PHKB: variants seen among roughly 807,000 people sequenced by gnomAD.
The protein encoded by PHKB is phosphorylase kinase regulatory subunit beta.
PHKB carries 122 observed loss-of-function variants against 152.1 expected under a neutral mutation model. The ratio of observed to expected loss-of-function variants is 0.80; its 90% confidence interval spans 0.69 to 0.93. The LOEUF (loss-of-function observed/expected upper bound fraction) is 0.93. PHKB is among the 40% of genes least tolerant of loss of function. PHKB has a pLI of 0.00. For missense variants in PHKB, 1,304 were observed against 1,328.4 expected (o/e 0.98, Z 0.29); for synonymous variants, 436 against 464.9 (o/e 0.94, Z 0.80).
intron 26 of PHKB, among the ~76,000 whole-genome samples, chr16:47,682,724 C>T (rs534364790): frequency 1.4e-4 from 21 of 152,266 alleles, no homozygotes; most frequent in Admixed American, 8.5e-4. Context: ...TCCTGTAGCT[C>T]GGAGTAGTTT....
chr16:47,547,790 G>T, intron 7 of PHKB: 1 of 469,836 alleles, frequency 2.1e-6, no homozygotes. Flanking sequence ...GTCAGTACAT[G>T]CATGTCAGCC....
chr16:47,503,772 T>C (rs1970364131), intron 4 of PHKB, among the ~76,000 whole-genome samples: 1 of 151,992 alleles, frequency 6.6e-6, no homozygotes, highest in Non-Finnish European at 1.5e-5. Context: ...GAGGTTGCAG[T>C]GAGCCAAGAT....
intron 14 of PHKB, among the ~76,000 whole-genome samples, chr16:47,616,744 G>A (rs1026817402): frequency 2.8e-4 from 43 of 151,146 alleles, no homozygotes; most frequent in Non-Finnish European, 2.8e-4. Flanking sequence ...GGTGCTAGAG[G>A]AATTAAAGAC....
chr16:47,587,347 G>T (rs1404675271), intron 8 of PHKB, among the ~76,000 whole-genome samples: 1 of 152,116 alleles, frequency 6.6e-6, no homozygotes, highest in Non-Finnish European at 1.5e-5. Flanking sequence ...TCTTTGTCAT[G>T]TTAGCTAAAC....
intron 1 of PHKB, among the ~76,000 whole-genome samples, chr16:47,482,227 G>A (rs1352725238): frequency 1.3e-5 from 2 of 152,230 alleles, no homozygotes; most frequent in Non-Finnish European, 2.9e-5. Context: ...TAAGTATAGT[G>A]TGGGAAAGGC....
chr16:47,569,506 C>G (rs999636512), intron 7 of PHKB, among the ~76,000 whole-genome samples: 1 of 152,084 alleles, frequency 6.6e-6, no homozygotes, highest in African/African-American at 2.4e-5. Flanking sequence ...CATTTACATT[C>G]GAAAATAGTA....
chr16:47,485,835 G>A (rs1209563653), intron 1 of PHKB, among the ~76,000 whole-genome samples: 3 of 151,814 alleles, frequency 2.0e-5, no homozygotes, highest in South Asian at 2.1e-4. Flanking sequence ...TGCCAAGGCC[G>A]ATCTGGGACT....
At chr16:47,655,823 G>T (rs1166516642) in intron 20 of PHKB, among the ~76,000 whole-genome samples, 2 of 152,142 alleles carry the variant, frequency 1.3e-5, no homozygotes, top group Non-Finnish European at 2.9e-5. Flanking sequence ...CTGCAGAAGG[G>T]AATAGAATTC....
chr16:47,511,113 C>G (rs1199494324), intron 4 of PHKB, among the ~76,000 whole-genome samples: 2 of 152,064 alleles, frequency 1.3e-5, no homozygotes, highest in African/African-American at 2.4e-5. Flanking sequence ...GGCCTATATT[C>G]TCTTAGAGTT....
intron 3 of PHKB, among the ~76,000 whole-genome samples, chr16:47,501,459 C>T (rs917677494): frequency 6.6e-6 from 1 of 151,950 alleles, no homozygotes; most frequent in Non-Finnish European, 1.5e-5. Flanking sequence ...AGTATTTGAG[C>T]CAAGACTATG....
At chr16:47,621,941 A>G (rs111905029) in intron 14 of PHKB, among the ~76,000 whole-genome samples, 176 of 152,322 alleles carry the variant, frequency 1.2e-3, no homozygotes, top group Non-Finnish European at 2.1e-3. Context: ...ATGAGCTTAA[A>G]CACATTTAAT....
At chr16:47,606,140 T>A (rs1972319953) in intron 13 of PHKB, among the ~76,000 whole-genome samples, 2 of 152,378 alleles carry the variant, frequency 1.3e-5, no homozygotes, top group South Asian at 4.1e-4. Flanking sequence ...TTCCTCCTTC[T>A]TGTTATTCTA....
intron 7 of PHKB, among the ~76,000 whole-genome samples, chr16:47,558,314 A>G (rs1466255494): frequency 6.6e-6 from 1 of 151,938 alleles, no homozygotes; most frequent in Non-Finnish European, 1.5e-5. Context: ...GCACACCAGC[A>G]TGGCACAGGT....
intron 14 of PHKB, among the ~76,000 whole-genome samples, chr16:47,615,459 A>G (rs563062917): frequency 1.3e-5 from 2 of 152,304 alleles, no homozygotes; most frequent in Non-Finnish European, 2.9e-5. Context: ...TGATTGGCCA[A>G]CTGGTACCTC....
chr16:47,683,092 C>T (rs557196780), intron 26 of PHKB, among the ~76,000 whole-genome samples: 5 of 152,242 alleles, frequency 3.3e-5, no homozygotes, highest in East Asian at 1.9e-4. Flanking sequence ...CTTGGTGAAC[C>T]GCAAATGCTG....
chr16:47,665,869 C>G (rs1358620551), intron 25 of PHKB: 1 of 996,778 alleles, frequency 1.0e-6, no homozygotes. Context: ...TAAAGACTAC[C>G]CAATCAGGGC....
intron 1 of PHKB, among the ~76,000 whole-genome samples, chr16:47,488,367 A>AT (rs1970085161): frequency 2.0e-5 from 3 of 151,964 alleles, no homozygotes; most frequent in South Asian, 4.1e-4. Flanking sequence ...GAGTTTGCAA[A>AT]TTTTTTTCCC....
At chr16:47,482,161 T>G (rs1969974837) in intron 1 of PHKB, among the ~76,000 whole-genome samples, 2 of 152,226 alleles carry the variant, frequency 1.3e-5, no homozygotes, top group African/African-American at 4.8e-5. Context: ...GGCACTTCCT[T>G]AGACGGATTC....
At chr16:47,603,049 C>T (rs1972260558) in intron 13 of PHKB, among the ~76,000 whole-genome samples, 1 of 152,132 alleles carries the variant, frequency 6.6e-6, no homozygotes, top group Non-Finnish European at 1.5e-5. Context: ...ATTTCTTGCC[C>T]AATTGATCTC....
Sources: gnomAD v4.1 joint callset for allele counts (sites outside exome capture counted in the v4.1 genomes callset) on GRCh38, gnomAD v4.1.1 for gene constraint, MANE v1.5 for transcripts, NCBI Gene and HGNC (gene_info 2026-07-23, HGNC 2026-07-21) for gene names.